PIAS2: variants seen among roughly 807,000 people sequenced by gnomAD.
PIAS2 encodes the protein E3 SUMO-protein ligase PIAS2.
In PIAS2, 19 loss-of-function variants were observed where a neutral mutation model predicts 69.7. The observed-to-expected ratio is 0.27, with a 90% CI of 0.19 to 0.40. The LOEUF (loss-of-function observed/expected upper bound fraction) is 0.40. Among genes scored for constraint, PIAS2 ranks in the 10% least tolerant of loss-of-function variants. The pLI is 1.00. For synonymous variants in PIAS2, 261 were observed against 263.2 expected (o/e 0.99, Z 0.08); for missense variants, 624 against 757.0 (o/e 0.82, Z 2.06).
chr18:46,814,350 A>AT (rs978104345), intron 13 of PIAS2, among the ~76,000 whole-genome samples: 3 of 152,140 alleles, frequency 2.0e-5, no homozygotes, highest in South Asian at 2.1e-4. Context: ...TTCCAAGATA[A>AT]TTTTTTTTAA....
At chr18:46,823,611 C>A (rs1473478569) in intron 11 of PIAS2, among the ~76,000 whole-genome samples, 1 of 152,152 alleles carries the variant, frequency 6.6e-6, no homozygotes, top group African/African-American at 2.4e-5. Context: ...TTAGGCAACA[C>A]CAAAAGGTTG....
chr18:46,868,099 G>A (rs2145663240), intron 2 of PIAS2, among the ~76,000 whole-genome samples: 1 of 152,342 alleles, frequency 6.6e-6, no homozygotes, highest in Non-Finnish European at 1.5e-5. Flanking sequence ...TCAAGCATAT[G>A]TCTTCTCAGC....
chr18:46,851,170 A>G (rs751757932), intron 5 of PIAS2, among the ~76,000 whole-genome samples: 3 of 152,180 alleles, frequency 2.0e-5, no homozygotes, highest in Non-Finnish European at 4.4e-5. Context: ...ACATCAGGGA[A>G]CATAAATCCA....
In PIAS2 at chr18:46,829,830, C is replaced by T. The variant is rs765901312; in HGVS notation, c.1240G>A (p.Asp414Asn). Reference protein sequence around the residue: ...MEILNDCSDVDEIKFQEDGSW... With the variant: ...MEILNDCSDVNEIKFQEDGSW... Reference sequence around the variant, plus strand: ...CCATCTTCTTGGAATTTGATCTCATCTACATCAGAACAGTCATTGAGAATT... The same window carrying T: ...CCATCTTCTTGGAATTTGATCTCATTTACATCAGAACAGTCATTGAGAATT... The change falls in exon 10 of 14, where the codon GAT becomes AAT. Residue 414 changes from aspartate to asparagine, a missense_variant. Transcript: ENST00000585916. The T allele has an allele frequency of 6.2e-7, 1 of 1,613,184 alleles. No homozygotes were observed. The highest frequency in any genetic ancestry group is 8.5e-7 in the Non-Finnish European group (1 of 1,179,416).
At position 46,836,349 on chromosome 18, in the gene PIAS2, A is replaced by C. The variant is rs1164336319; in HGVS notation, c.1202+8T>G. The C allele has an allele frequency of 6.2e-7, 1 of 1,611,838 alleles. No individual in the cohort carries two copies. Among genetic ancestry groups the C allele is most frequent in the African/African-American group, 1.3e-5 (1 of 74,876 alleles). On this transcript the variant is annotated splice_region_variant and intron_variant, in intron 9 of 13. Transcript: ENST00000585916. ...GTCCATATCAGCTGTTAAAAGGGAT[A>C]TACTTACCCATCTAATATTAGACTT...
intron 10 of PIAS2, among the ~76,000 whole-genome samples, chr18:46,828,922 C>T (rs991048263): frequency 6.6e-6 from 1 of 152,130 alleles, no homozygotes; most frequent in African/African-American, 2.4e-5. Flanking sequence ...ATGAGAGAAA[C>T]CTTGGTCACT....
intron 2 of PIAS2, among the ~76,000 whole-genome samples, chr18:46,879,439 C>A (rs1452616590): frequency 6.6e-6 from 1 of 152,108 alleles, no homozygotes; most frequent in Admixed American, 6.6e-5. Flanking sequence ...GAAACTGGAA[C>A]CCCTGTGCAC....
At chr18:46,844,427 C>T (rs72907174) in intron 7 of PIAS2, among the ~76,000 whole-genome samples, 1,678 of 152,158 alleles carry the variant, frequency 0.011, 17 homozygotes, top group Non-Finnish European at 0.017. Flanking sequence ...GTACCCTGAG[C>T]GTCAAAGCTT....
chr18:46,860,179 C>T (rs567479684), intron 3 of PIAS2, among the ~76,000 whole-genome samples: 1 of 152,326 alleles, frequency 6.6e-6, no homozygotes, highest in African/African-American at 2.4e-5. Context: ...AAAAACCACT[C>T]ATGTTTGGGT....
upstream of PIAS2, among the ~76,000 whole-genome samples, chr18:46,918,664 C>T (rs947752926): frequency 5.3e-5 from 8 of 152,146 alleles, no homozygotes; most frequent in East Asian, 1.9e-4. Flanking sequence ...TCAGGTGATC[C>T]GCCCGCCTCG....
chr18:46,832,299 CA>C (rs2043751312), intron 9 of PIAS2, among the ~76,000 whole-genome samples: 1 of 152,032 alleles, frequency 6.6e-6, no homozygotes, highest in Non-Finnish European at 1.5e-5. Context: ...CCTGTAGTCC[CA>C]GCTACTTGGG....
In PIAS2 at chr18:46,808,819, T is replaced by C. The variant is rs1400076303; in HGVS notation, c.*3614A>G. 1 of 147,208 alleles carries C rather than the reference T, an allele frequency of 6.8e-6. No individual in the cohort carries two copies. The highest frequency in any genetic ancestry group is 1.5e-5 in the Non-Finnish European group (1 of 67,008). The allele number at this position is 147,208 out of a possible 1,614,324, so 9.1% of individuals were successfully genotyped here. The stretch of plus-strand genomic sequence containing the variant: ...CTAAAGAAAGAATGGTCCGGCTAAG[T>C]GCTTTTTTTTTTTTTTTTTTTTTTA... On this transcript the variant is annotated 3_prime_UTR_variant, in exon 14 of 14. Coordinates refer to ENST00000585916, the MANE Select transcript of PIAS2 (RefSeq NM_004671.5).
rs570578900 is a variant in PIAS2, at chr18:46,803,365, C to T, written c.*9068G>A. ...GTTGTATCAGCAGCTTTTAACTCCA[C>T]TAACCACTTGCTTCTTGAAATACTC... On this transcript the variant is annotated 3_prime_UTR_variant, in exon 14 of 14. Transcript: ENST00000585916. 9.2e-5 allele frequency: 14 copies of T among 152,288 alleles called. No individual in the cohort carries two copies. The highest frequency in any genetic ancestry group is 7.8e-4 in the Admixed American group (12 of 15,302). The allele number at this position is 152,288 out of a possible 1,614,324, so 9.4% of individuals were successfully genotyped here. A position where few individuals can be genotyped will look rare whatever the true frequency, so the allele number is the denominator to read the frequency against.
chr18:46,844,072 C>T lies in PIAS2; in HGVS notation c.1023G>A (p.Arg341=). 2 of 1,534,960 alleles carry T rather than the reference C, an allele frequency of 1.3e-6. No individual in the cohort carries two copies. The highest frequency in any genetic ancestry group is 1.8e-6 in the Non-Finnish European group (2 of 1,142,206). Residue 341 remains arginine, a synonymous_variant, in exon 8 of 14, where the codon CGG becomes CGA. Transcript: ENST00000585916. ...PDSEIATTSL[R]VSLMCPLGKM... Reference sequence around the variant, plus strand: ...TACTTACAGGGCACATCAAGGATACCCGAAGGCTAGTTGTAGCAATTTCAC... The same window carrying T: ...TACTTACAGGGCACATCAAGGATACTCGAAGGCTAGTTGTAGCAATTTCAC...
At chr18:46,846,649 CAG>C (rs2046202491) in intron 6 of PIAS2, 56 bp downstream of exon 6, 1 of 1,476,932 alleles carries the variant, frequency 6.8e-7, no homozygotes, top group African/African-American at 1.4e-5. Context: ...AGAAAAAACA[CAG>C]AAAGTCAACC....
At chr18:46,901,647 T>A (rs2055876679) in intron 1 of PIAS2, among the ~76,000 whole-genome samples, 1 of 152,204 alleles carries the variant, frequency 6.6e-6, no homozygotes, top group African/African-American at 2.4e-5. Flanking sequence ...ATAGAATACA[T>A]CATATTAACA....
At chr18:46,820,855 T>C in intron 12 of PIAS2, 78 bp downstream of exon 12, 1 of 1,411,730 alleles carries the variant, frequency 7.1e-7, no homozygotes. Flanking sequence ...ATTTCAAAAC[T>C]ATACTGGCTT....
chr18:46,817,350 A>C (rs1020914373), intron 12 of PIAS2: 137 of 975,314 alleles, frequency 1.4e-4, no homozygotes, highest in Non-Finnish European at 1.6e-4. Flanking sequence ...ATTTCAATTA[A>C]AATACGCAAG....
At chr18:46,862,830 C>T (rs768359527) in intron 3 of PIAS2, among the ~76,000 whole-genome samples, 7 of 151,888 alleles carry the variant, frequency 4.6e-5, no homozygotes, top group African/African-American at 7.3e-5. Flanking sequence ...CTCAGCTTTC[C>T]GAGTAGCAGG....
Sources: allele counts gnomAD v4.1 joint callset (sites outside exome capture counted in the v4.1 genomes callset), GRCh38; gene constraint gnomAD v4.1.1; transcripts MANE v1.5; gene names NCBI Gene and HGNC (gene_info 2026-07-23, HGNC 2026-07-21).